RAB22A: variants seen among roughly 807,000 people sequenced by gnomAD.
RAB22A encodes the protein ras-related protein Rab-22A.
In RAB22A, 13 loss-of-function variants were observed where a neutral mutation model predicts 30.2. The observed-to-expected ratio is 0.43, with a 90% CI of 0.28 to 0.68. The LOEUF (loss-of-function observed/expected upper bound fraction) is 0.68. Ranked by LOEUF, RAB22A falls within the 30% of genes least tolerant of loss-of-function variation. The pLI is 0.18. For missense variants in RAB22A, 177 were observed against 246.8 expected, an observed-to-expected ratio of 0.72 and a Z score of 1.89; for synonymous variants, 89 against 87.2, an observed-to-expected ratio of 1.02 and a Z score of -0.11.
chr20:58,351,987 G>C (rs1365328387), intron 3 of RAB22A, among the ~76,000 whole-genome samples: 1 of 152,236 alleles, frequency 6.6e-6, no homozygotes, highest in Admixed American at 6.5e-5. Flanking sequence ...AAAGGATGTA[G>C]TATTCAAATA....
intron 2 of RAB22A, among the ~76,000 whole-genome samples, chr20:58,316,274 C>T (rs1012820146): frequency 1.3e-5 from 2 of 152,022 alleles, no homozygotes; most frequent in African/African-American, 4.8e-5. Context: ...GCACCAGGTC[C>T]CCTCGTTCAT....
At chr20:58,359,062 G>T (rs1987180224) in intron 6 of RAB22A, among the ~76,000 whole-genome samples, 1 of 152,180 alleles carries the variant, frequency 6.6e-6, no homozygotes, top group Non-Finnish European at 1.5e-5. Flanking sequence ...ATATAGGTGT[G>T]CCTGAGTGTT....
intron 3 of RAB22A, among the ~76,000 whole-genome samples, chr20:58,348,579 A>G (rs1306176260): frequency 6.6e-6 from 1 of 152,206 alleles, no homozygotes; most frequent in Non-Finnish European, 1.5e-5. Context: ...TGATCCCATT[A>G]TTAGAATTTG....
At chr20:58,316,257 C>T (rs1600722884) in intron 2 of RAB22A, among the ~76,000 whole-genome samples, 1 of 152,146 alleles carries the variant, frequency 6.6e-6, no homozygotes, top group African/African-American at 2.4e-5. Flanking sequence ...GAATTCCTGC[C>T]CTCCCTGCAC....
intron 2 of RAB22A, among the ~76,000 whole-genome samples, chr20:58,317,869 T>C (rs1257720303): frequency 3.3e-5 from 5 of 151,830 alleles, no homozygotes; most frequent in African/African-American, 1.2e-4. Flanking sequence ...TAATTTTTTA[T>C]TTCTATTTTT....
At chr20:58,348,042 C>T (rs1986981371) in intron 3 of RAB22A, among the ~76,000 whole-genome samples, 1 of 152,210 alleles carries the variant, frequency 6.6e-6, no homozygotes, top group Non-Finnish European at 1.5e-5. Context: ...GCCTGGCCAA[C>T]ATGGTGAAAC....
At position 58,361,564 on chromosome 20, in the gene RAB22A, C is replaced by G. The variant is rs1054271756; in HGVS notation, c.*1861C>G. 1 of 152,158 alleles carries G rather than the reference C, an allele frequency of 6.6e-6. No individual in the cohort carries two copies. Among genetic ancestry groups the G allele is most frequent in the African/African-American group, 2.4e-5 (1 of 41,438 alleles). 9.4% of individuals were successfully genotyped at this position (152,158 alleles called of 1,614,324 possible). A position where few individuals can be genotyped will look rare whatever the true frequency, so the allele number is the denominator to read the frequency against. On this transcript the variant is annotated 3_prime_UTR_variant, in exon 7 of 7. Transcript: ENST00000244040. The stretch of plus-strand genomic sequence containing the variant: ...AAGCTCCTAGAGAAGCCATGTGATT[C>G]CCAGAGCCAGGCGCTTTACACCTAA...
At chr20:58,347,821 C>G (rs765266485) in intron 3 of RAB22A, among the ~76,000 whole-genome samples, 2 of 152,208 alleles carry the variant, frequency 1.3e-5, no homozygotes, top group African/African-American at 2.4e-5. Context: ...AACAAAGACT[C>G]CTGCAGTAGC....
At chr20:58,353,650 CT>C in intron 5 of RAB22A, 112 bp downstream of exon 5, 1 of 997,306 alleles carries the variant, frequency 1.0e-6, no homozygotes, top group Non-Finnish European at 1.5e-6. Flanking sequence ...TGAAAAATTC[CT>C]TTTGGTTGTG....
At chr20:58,359,495 C>CTT (rs3069388) in intron 6 of RAB22A, 111 bp from the exon 7 acceptor site, 54,456 of 331,612 alleles carry the variant, frequency 0.16, 6,373 homozygotes, top group Admixed American at 0.29. Flanking sequence ...GTTTATTAAA[C>CTT]TTTTTTTTTT....
intron 6 of RAB22A, among the ~76,000 whole-genome samples, chr20:58,354,836 G>T (rs1402321447): frequency 1.3e-5 from 2 of 152,176 alleles, no homozygotes; most frequent in African/African-American, 4.8e-5. Flanking sequence ...AGGCTCAGGG[G>T]AAATAGCCGT....
Position 58,327,945 on chromosome 20 carries a change from A to G in RAB22A, c.117-15773A>G, listed in dbSNP as rs148892389. ...AACGCAACATGTGCTTTTGAACTAGATGTTTTGCCAAAGGGATATTATCAG... is the reference window on the plus strand; with the variant it reads ...AACGCAACATGTGCTTTTGAACTAGGTGTTTTGCCAAAGGGATATTATCAG... On this transcript the variant is annotated intron_variant, in intron 2 of 6. Coordinates refer to ENST00000244040, the MANE Select transcript of RAB22A (RefSeq NM_020673.3). 6.9e-3 allele frequency among the ~76,000 whole-genome samples: 1,054 copies of G among 152,292 alleles called. 11 individuals carry two copies. The highest frequency in any genetic ancestry group is 0.022 in the African/African-American group (902 of 41,568).
chr20:58,359,566 G>A (rs775118330), intron 6 of RAB22A, 40 bp from the exon 7 acceptor site: 1 of 1,416,990 alleles, frequency 7.1e-7, no homozygotes. Flanking sequence ...GTCTGAGAAA[G>A]TTAAAGCTCA....
chr20:58,339,402 A>G (rs1392341357), intron 2 of RAB22A, among the ~76,000 whole-genome samples: 2 of 152,246 alleles, frequency 1.3e-5, no homozygotes, highest in African/African-American at 4.8e-5. Context: ...CAGTTTTTCA[A>G]AAAGCAAGAT....
At chr20:58,352,685 A>G (rs1987072540) in intron 3 of RAB22A, among the ~76,000 whole-genome samples, 1 of 152,236 alleles carries the variant, frequency 6.6e-6, no homozygotes, top group African/African-American at 2.4e-5. Flanking sequence ...ATGAGTGGGA[A>G]GAAGCTGTGT....
intron 2 of RAB22A, among the ~76,000 whole-genome samples, chr20:58,318,708 CA>C (rs1411869130): frequency 6.6e-6 from 1 of 152,164 alleles, no homozygotes; most frequent in Non-Finnish European, 1.5e-5. Context: ...GGAATTTTGC[CA>C]TCCTCCTCCT....
intron 2 of RAB22A, among the ~76,000 whole-genome samples, chr20:58,318,972 A>T (rs1253733494): frequency 6.6e-6 from 1 of 152,230 alleles, no homozygotes; most frequent in East Asian, 1.9e-4. Flanking sequence ...AATTGCTTAG[A>T]ATGGTGTATG....
At chr20:58,332,499 C>G (rs1312695129) in intron 2 of RAB22A, among the ~76,000 whole-genome samples, 1 of 152,196 alleles carries the variant, frequency 6.6e-6, no homozygotes, top group Non-Finnish European at 1.5e-5. Flanking sequence ...TTCACTGACC[C>G]TCTCCTCTGC....
rs1986899850 is a variant in RAB22A, at chr20:58,343,863, C to T, written c.198+64C>T. ...CAAATGAAAGTTCCAACTAAACTGT[C>T]AGCATCCCTGTCATCTCACGTTACT... On this transcript the variant is annotated intron_variant, in intron 3 of 6. Coordinates refer to ENST00000244040, the MANE Select transcript of RAB22A (RefSeq NM_020673.3). 64 of 1,283,392 alleles carry T rather than the reference C, an allele frequency of 5.0e-5. No homozygotes were observed. In the South Asian group the frequency reaches 7.5e-4, roughly 15 times the overall value. The allele number at this position is 1,283,392 out of a possible 1,614,324, so 79.5% of individuals were successfully genotyped here. A position where few individuals can be genotyped will look rare whatever the true frequency, so the allele number is the denominator to read the frequency against.
Sources: allele counts gnomAD v4.1 joint callset (sites outside exome capture counted in the v4.1 genomes callset), GRCh38; gene constraint gnomAD v4.1.1; transcripts MANE v1.5; gene names NCBI Gene and HGNC (gene_info 2026-07-23, HGNC 2026-07-21).